Variants in GNAQ observed in about 807,000 individuals in gnomAD.
GNAQ encodes guanine nucleotide-binding protein G(q) subunit alpha.
A neutral mutation model predicts 43.9 loss-of-function variants in GNAQ; 8 were observed. The ratio of observed to expected loss-of-function variants is 0.18; its 90% CI spans 0.11 to 0.33. GNAQ has a LOEUF of 0.33. GNAQ is among the 10% of genes least tolerant of loss of function. The probability of loss-of-function intolerance (pLI) is 1.00; values close to 1 mark genes in which losing one functional copy is unlikely to be tolerated. For missense variants in GNAQ, 158 were observed against 450.8 expected (o/e 0.35, Z 5.88); for synonymous variants, 155 against 170.7 (o/e 0.91, Z 0.71).
intron 2 of GNAQ, among the ~76,000 whole-genome samples, chr9:77,865,545 T>A (rs1827934279): frequency 6.6e-6 from 1 of 152,204 alleles, no homozygotes; most frequent in African/African-American, 2.4e-5. Flanking sequence ...AAGAGCAGCA[T>A]CACCAACCAC....
intron 2 of GNAQ, among the ~76,000 whole-genome samples, chr9:77,867,011 A>G (rs1295978835): frequency 6.6e-6 from 1 of 152,250 alleles, no homozygotes; most frequent in Non-Finnish European, 1.5e-5. Context: ...CCAGTTGAAA[A>G]GAGAGCTCCT....
chr9:77,764,127 T>C (rs1025237713), intron 5 of GNAQ, among the ~76,000 whole-genome samples: 2 of 152,168 alleles, frequency 1.3e-5, no homozygotes, highest in African/African-American at 4.8e-5. Flanking sequence ...TACAAACCTA[T>C]ACTCCTAAAC....
intron 2 of GNAQ, among the ~76,000 whole-genome samples, chr9:77,858,125 C>T (rs1189778985): frequency 6.6e-6 from 1 of 152,128 alleles, no homozygotes; most frequent in Non-Finnish European, 1.5e-5. Flanking sequence ...CTCTGCTCAC[C>T]CCAACCCTGG....
At chr9:77,883,039 C>T (rs1828241088) in intron 2 of GNAQ, among the ~76,000 whole-genome samples, 1 of 152,176 alleles carries the variant, frequency 6.6e-6, no homozygotes, top group East Asian at 1.9e-4. Context: ...CTTCAGTTCA[C>T]AGCTTACTAA....
intron 2 of GNAQ, among the ~76,000 whole-genome samples, chr9:77,833,934 A>C (rs1827341181): frequency 6.6e-6 from 1 of 152,186 alleles, no homozygotes; most frequent in African/African-American, 2.4e-5. Flanking sequence ...CAAAATTCCC[A>C]CAGTCTGATA....
At chr9:77,848,376 C>A (rs938731783) in intron 2 of GNAQ, among the ~76,000 whole-genome samples, 1 of 152,198 alleles carries the variant, frequency 6.6e-6, no homozygotes, top group Non-Finnish European at 1.5e-5. Context: ...TTTCACATGT[C>A]GGAATTCAAA....
chr9:77,903,195 T>C (rs1828639972), intron 2 of GNAQ, among the ~76,000 whole-genome samples: 1 of 151,792 alleles, frequency 6.6e-6, no homozygotes, highest in East Asian at 1.9e-4. Context: ...ATAAACAAGA[T>C]TAAAGTTTGA....
In GNAQ at chr9:77,720,018, A is replaced by C. The variant is rs1564090225; in HGVS notation, c.*1305T>G. ...TCATTGAACTTAAAGAACCACTGAG[A>C]GTAAAACTGGTTTCAAATAAAGAGA... On this transcript the variant is annotated 3_prime_UTR_variant, in exon 7 of 7. Coordinates refer to ENST00000286548, the MANE Select transcript of GNAQ (RefSeq NM_002072.5). 4.3e-6 allele frequency: 1 copy of C among 232,654 alleles called. No individual in the cohort carries two copies. Among genetic ancestry groups the C allele is most frequent in the East Asian group, 6.1e-5 (1 of 16,514 alleles). 14.4% of individuals were successfully genotyped at this position (232,654 alleles called of 1,614,324 possible). A position where few individuals can be genotyped will look rare whatever the true frequency, so the allele number is the denominator to read the frequency against.
At chr9:77,978,833 TG>T (rs564516069) in intron 1 of GNAQ, among the ~76,000 whole-genome samples, 1,598 of 151,630 alleles carry the variant, frequency 0.011, 18 homozygotes, top group Non-Finnish European at 0.014. Flanking sequence ...GCGAGGCGAG[TG>T]GATCAATTGA....
chr9:77,957,722 C>CATG (rs1554728710), intron 1 of GNAQ, among the ~76,000 whole-genome samples: 1 of 152,148 alleles, frequency 6.6e-6, no homozygotes. Context: ...GGATGAAGGC[C>CATG]ACTAGCATCA....
At chr9:77,743,819 A>G (rs1376439508) in intron 5 of GNAQ, among the ~76,000 whole-genome samples, 4 of 152,196 alleles carry the variant, frequency 2.6e-5, no homozygotes, top group African/African-American at 9.7e-5. Context: ...AGGTTTGAAT[A>G]AGTGATTAAG....
intron 6 of GNAQ, among the ~76,000 whole-genome samples, chr9:77,724,495 C>A (rs1379819752): frequency 1.3e-5 from 2 of 152,184 alleles, no homozygotes; most frequent in Non-Finnish European, 2.9e-5. Context: ...CCACACCCAG[C>A]AGGTTTTTTT....
intron 2 of GNAQ, among the ~76,000 whole-genome samples, chr9:77,831,704 C>T (rs1430677366): frequency 6.6e-6 from 1 of 152,050 alleles, no homozygotes. Flanking sequence ...TGTAAAAATG[C>T]CCACGTGATA....
At chr9:77,813,175 C>T (rs1421928401) in intron 3 of GNAQ, among the ~76,000 whole-genome samples, 1 of 152,292 alleles carries the variant, frequency 6.6e-6, no homozygotes, top group East Asian at 1.9e-4. Context: ...ACCTCAGCCT[C>T]CCAAAGTGCT....
intron 2 of GNAQ, among the ~76,000 whole-genome samples, chr9:77,891,640 C>A (rs1291805470): frequency 6.6e-6 from 1 of 152,156 alleles, no homozygotes; most frequent in African/African-American, 2.4e-5. Context: ...CCACTCACTG[C>A]CCCCAAGTAT....
rs929104367 is a variant in GNAQ, at chr9:77,815,549, A to G, written c.476+67T>C. 3.0e-6 allele frequency: 3 copies of G among 999,312 alleles called. No individual in the cohort carries two copies. In the African/African-American group the frequency reaches 4.9e-5, roughly 16 times the overall value. 61.9% of individuals were successfully genotyped at this position (999,312 alleles called of 1,614,324 possible). A position where few individuals can be genotyped will look rare whatever the true frequency, so the allele number is the denominator to read the frequency against. On this transcript the variant is annotated intron_variant, in intron 3 of 6. Coordinates refer to ENST00000286548, the MANE Select transcript of GNAQ (RefSeq NM_002072.5). ...TACAGGACAGAATAAAGAAGTTATG[A>G]TAATCATAAAACCTCCACATGGAAG...
At chr9:77,848,572 C>G (rs969331710) in intron 2 of GNAQ, among the ~76,000 whole-genome samples, 1 of 152,222 alleles carries the variant, frequency 6.6e-6, no homozygotes, top group African/African-American at 2.4e-5. Context: ...ACTGCCTCTT[C>G]CAGAGTTGGC....
chr9:77,933,962 C>T (rs1005635197), intron 1 of GNAQ, among the ~76,000 whole-genome samples: 3 of 152,154 alleles, frequency 2.0e-5, no homozygotes, highest in Non-Finnish European at 4.4e-5. Context: ...ATTAACCCTG[C>T]AAATACTTCC....
Position 77,906,302 on chromosome 9 carries a change from T to A in GNAQ, c.321+15859A>T, listed in dbSNP as rs78923690. 3.2e-4 allele frequency among the ~76,000 whole-genome samples: 49 copies of A among 152,304 alleles called. No homozygotes were observed. In the East Asian group the frequency reaches 8.5e-3, roughly 26 times the overall value. ...GTATTCAAAAATGTAGATTAAAGTATCACTTTCACCAATTAGATTGGAAAG... is the reference window on the plus strand; with the variant it reads ...GTATTCAAAAATGTAGATTAAAGTAACACTTTCACCAATTAGATTGGAAAG... On this transcript the variant is annotated intron_variant, in intron 2 of 6. Transcript: ENST00000286548.
Sources: gnomAD v4.1 joint callset for allele counts (sites outside exome capture counted in the v4.1 genomes callset) on GRCh38, gnomAD v4.1.1 for gene constraint, MANE v1.5 for transcripts, NCBI Gene and HGNC (gene_info 2026-07-23, HGNC 2026-07-21) for gene names.